The following LAMA2 variants were observed in gnomAD, a reference collection of about 807,000 sequenced individuals.
LAMA2 encodes the protein laminin subunit alpha-2.
Under a neutral mutation model 364.8 loss-of-function variants are expected in LAMA2, and 269 were observed. The ratio of observed to expected loss-of-function variants is 0.74; its 90% CI spans 0.67 to 0.82. The LOEUF is 0.82. Ranked by LOEUF, LAMA2 falls within the 40% of genes least tolerant of loss-of-function variation. LAMA2 has a pLI of 0.00. For missense variants in LAMA2, 3,807 were observed against 3,873.2 expected (o/e 0.98, Z 0.45); for synonymous variants, 1,379 against 1,370.6 (o/e 1.01, Z -0.14).
intron 11 of LAMA2, among the ~76,000 whole-genome samples, chr6:129,191,604 G>A (rs1781527224): frequency 6.6e-6 from 1 of 152,134 alleles, no homozygotes; most frequent in South Asian, 2.1e-4. Flanking sequence ...GGTGACGTTA[G>A]AAAGGGAAGA....
rs142294175 is a variant in LAMA2 at position 128,883,786 on chromosome 6, TTATATA to T, written c.112+440_112+445del. ...GGGTAGCTGATGCATCAAAAAAAAA[TTATATA>T]TATATATATACACACACACACACAC... On this transcript the variant is annotated intron_variant, in intron 1 of 64. Transcript: ENST00000421865. Among the ~76,000 whole-genome samples the T allele has an allele frequency of 9.8e-3, 1,310 of 133,682 alleles. 11 individuals carry two copies. The highest frequency in any genetic ancestry group is 0.027 in the Middle Eastern group (7 of 258). The allele number at this position is 133,682 out of a possible 152,430, so 87.7% of individuals were successfully genotyped here.
intron 1 of LAMA2, among the ~76,000 whole-genome samples, chr6:128,984,936 CT>C (rs1044336016): frequency 2.0e-5 from 3 of 152,130 alleles, no homozygotes; most frequent in African/African-American, 7.2e-5. Context: ...GGAACCATCA[CT>C]TTCTTGCTCT....
rs17057158 is a variant in LAMA2 at position 129,349,403 on chromosome 6, C to T, written c.4523+19C>T. 106,321 of 1,573,726 alleles carry T rather than the reference C, an allele frequency of 0.068. 4,646 individuals are homozygous for T. Among genetic ancestry groups the T allele is most frequent in the Admixed American group, 0.17 (10,416 of 59,922 alleles). Reference sequence around the variant, plus strand: ...GTGAAAGGTACCAACAGCCATGAAACGTACAGAGTAATGATATGTAGGGAC... The same window carrying T: ...GTGAAAGGTACCAACAGCCATGAAATGTACAGAGTAATGATATGTAGGGAC... On this transcript the variant is annotated intron_variant, in intron 31 of 64. Transcript: ENST00000421865.
intron 31 of LAMA2, among the ~76,000 whole-genome samples, chr6:129,351,304 A>T (rs1001011442): frequency 6.6e-6 from 1 of 152,232 alleles, no homozygotes. Context: ...GTGTTAAAGC[A>T]GAATGATTAC....
intron 61 of LAMA2, among the ~76,000 whole-genome samples, chr6:129,506,742 A>ACAAT (rs1177949797): frequency 1.3e-5 from 2 of 152,090 alleles, no homozygotes; most frequent in Admixed American, 1.3e-4. Context: ...TTCATCAAAG[A>ACAAT]CAATCACCCA....
At chr6:129,281,913 A>G (rs778900415) in intron 18 of LAMA2, among the ~76,000 whole-genome samples, 2 of 152,142 alleles carry the variant, frequency 1.3e-5, no homozygotes, top group Non-Finnish European at 2.9e-5. Flanking sequence ...AGCCAAAAGA[A>G]CACCTTAGAT....
intron 54 of LAMA2, 66 bp downstream of exon 54, chr6:129,478,879 C>G (rs918263095): frequency 7.3e-7 from 1 of 1,372,132 alleles, no homozygotes. Context: ...AGTGTGGCTG[C>G]TCCTACAAGG....
intron 34 of LAMA2, among the ~76,000 whole-genome samples, chr6:129,373,265 G>C (rs1482496774): frequency 6.6e-6 from 1 of 151,986 alleles, no homozygotes; most frequent in East Asian, 1.9e-4. Flanking sequence ...TTACAGTTTT[G>C]CATTTTACAC....
chr6:129,342,206 A>AGT (rs1158986511), intron 29 of LAMA2, 137 bp from the exon 30 acceptor site: 20 of 707,248 alleles, frequency 2.8e-5, no homozygotes, highest in Admixed American at 4.2e-5. Flanking sequence ...TCAGTGATAA[A>AGT]GTGTGTGTGT....
At chr6:128,969,031 C>G (rs1782026065) in intron 1 of LAMA2, among the ~76,000 whole-genome samples, 1 of 152,100 alleles carries the variant, frequency 6.6e-6, no homozygotes, top group African/African-American at 2.4e-5. Flanking sequence ...CTATAATTTC[C>G]AAGCTCTGCA....
At chr6:129,157,821 C>T in intron 8 of LAMA2, 1 of 1,613,792 alleles carries the variant, frequency 6.2e-7, no homozygotes, top group Non-Finnish European at 8.5e-7. Context: ...AATGATTAGG[C>T]CGAAGCTGTA....
At chr6:129,403,687 C>T (rs1780095473) in intron 39 of LAMA2, 134 bp from the exon 40 acceptor site, 5 of 802,968 alleles carry the variant, frequency 6.2e-6, no homozygotes, top group South Asian at 2.9e-5. Context: ...TAAGTAGATA[C>T]TTCACTATTA....
In LAMA2 at chr6:129,192,819, A is replaced by T; in HGVS notation, c.1748A>T (p.Tyr583Phe). The T allele has an allele frequency of 6.2e-7, 1 of 1,614,166 alleles. No homozygotes were observed. The highest frequency in any genetic ancestry group is 8.5e-7 in the Non-Finnish European group (1 of 1,180,016). ...CGGCAAGCCCTGCCGCACAGCTACT[A>T]CTGGAGCGCGCCGGCTCCCTATCTG... ...EARQALPHSYYWSAPAPYLGN... is the reference protein window; with the variant it reads ...EARQALPHSYFWSAPAPYLGN... Residue 583 changes from tyrosine (Y) to phenylalanine (F), a missense_variant, in exon 12 of 65, where the codon TAC becomes TTC. By Grantham distance (22) the Tyr-to-Phe change is conservative. Transcript: ENST00000421865.
At chr6:129,121,040 C>A (rs988740639) in intron 4 of LAMA2, among the ~76,000 whole-genome samples, 1 of 152,186 alleles carries the variant, frequency 6.6e-6, no homozygotes, top group African/African-American at 2.4e-5. Context: ...CTAAATTGCA[C>A]TGAACCGTGG....
chr6:129,132,832 A>G (rs1777570937), intron 4 of LAMA2, among the ~76,000 whole-genome samples: 1 of 152,222 alleles, frequency 6.6e-6, no homozygotes, highest in African/African-American at 2.4e-5. Context: ...AAACAGCACT[A>G]TAAGATAGAT....
Position 128,998,660 on chromosome 6 carries a change from A to T in LAMA2, c.113-51258A>T, listed in dbSNP as rs1431894671. 3.2e-5 allele frequency among the ~76,000 whole-genome samples: 2 copies of T among 63,480 alleles called. 1 individual carries two copies. Among genetic ancestry groups the T allele is most frequent in the African/African-American group, 2.4e-4 (2 of 8,448 alleles). 41.6% of individuals were successfully genotyped at this position (63,480 alleles called of 152,430 possible). A position where few individuals can be genotyped will look rare whatever the true frequency, so the allele number is the denominator to read the frequency against. On this transcript the variant is annotated intron_variant, in intron 1 of 64. Transcript: ENST00000421865. ...ACGGACGCACCTGGAAAATCGGGTC[A>T]CTCCCACCCGAATATTGCGCTTTTC...
rs1374827717 is a variant in LAMA2 at position 129,342,438 on chromosome 6, T to G, written c.4407T>G (p.Cys1469Trp). ...GATTGCCAAATGACTGTCAGCAATG[T>G]GCCTGCCCTCTGATTTCTTCCAGTA... is the stretch of plus-strand genomic sequence containing the variant. ...VKGLPNDCQQCACPLISSSNN... is the reference protein window; with the variant it reads ...VKGLPNDCQQWACPLISSSNN... Residue 1469 changes from cysteine to tryptophan, a missense_variant, in exon 30 of 65, where the codon TGT becomes TGG. Transcript: ENST00000421865. 1.2e-6 allele frequency: 2 copies of G among 1,613,380 alleles called. No homozygotes were observed. The highest frequency in any genetic ancestry group is 1.7e-6 in the Non-Finnish European group (2 of 1,179,536).
rs151062581 is a variant in LAMA2, at chr6:129,223,005, T to C, written c.1783-27107T>C. Among the ~76,000 whole-genome samples the C allele has an allele frequency of 1.3e-5, 2 of 152,194 alleles. 1 individual carries two copies. The highest frequency in any genetic ancestry group is 2.9e-5 in the Non-Finnish European group (2 of 68,036). ...TTCTCCACATCCTCTCCAGCACCTG[T>C]TGTTTCCAGACTTTTTAATGATCAC... On this transcript the variant is annotated intron_variant, in intron 12 of 64. Transcript: ENST00000421865.
intron 32 of LAMA2, among the ~76,000 whole-genome samples, chr6:129,361,786 T>A (rs1777476149): frequency 6.9e-6 from 1 of 145,452 alleles, no homozygotes; most frequent in South Asian, 2.2e-4. Context: ...CAGTAACCTT[T>A]TTTTTTTTTT....
Sources: allele counts gnomAD v4.1 joint callset (sites outside exome capture counted in the v4.1 genomes callset), GRCh38; gene constraint gnomAD v4.1.1; transcripts MANE v1.5; gene names NCBI Gene and HGNC (gene_info 2026-07-23, HGNC 2026-07-21).